DIAPH2: variants seen among roughly 807,000 people sequenced by gnomAD.
DIAPH2 encodes the protein diaphanous related formin 2.
DIAPH2 carries 35 observed loss-of-function variants against 92.7 expected under a neutral mutation model. The ratio of observed to expected loss-of-function variants is 0.38; its 90% CI spans 0.29 to 0.50. The LOEUF (loss-of-function observed/expected upper bound fraction) is 0.50. Among genes scored for constraint, DIAPH2 ranks in the 20% least tolerant of loss-of-function variants. DIAPH2 has a pLI of 0.94. For synonymous variants in DIAPH2, 301 were observed against 280.4 expected (o/e 1.07, Z -0.73); for missense variants, 701 against 819.5 (o/e 0.86, Z 1.77).
At chrX:97,522,761 A>G (rs1264641441) in intron 26 of DIAPH2, among the ~76,000 whole-genome samples, 2 of 112,183 alleles carry the variant, frequency 1.8e-5, no homozygotes, top group Non-Finnish European at 3.8e-5. Flanking sequence ...GAGAACTATC[A>G]TTGCATTACT....
At chrX:97,235,894 A>G (rs1289144637) in intron 22 of DIAPH2, among the ~76,000 whole-genome samples, 1 of 111,960 alleles carries the variant, frequency 8.9e-6, no homozygotes, top group Non-Finnish European at 1.9e-5. Flanking sequence ...AAAACATAGT[A>G]CAATTATATT....
At position 96,962,442 on chromosome X, in the gene DIAPH2, CATATAT is replaced by C. The variant is rs1175762704; in HGVS notation, c.1936-2649_1936-2644del. Reference sequence around the variant, plus strand: ...ACACATATATATACATATATATATACATATATACACACACATATATATATACATATA... The same window carrying C: ...ACACATATATATACATATATATATACACACACACATATATATATACATATA... On this transcript the variant is annotated intron_variant, in intron 16 of 26. Transcript: ENST00000324765. Among the ~76,000 whole-genome samples, 45 of 55,539 alleles carry C rather than the reference CATATAT, an allele frequency of 8.1e-4. 3 individuals carry two copies. Among genetic ancestry groups the C allele is most frequent in the African/African-American group, 3.7e-3 (43 of 11,764 alleles). The allele number at this position is 55,539 out of a possible 115,157, so 48.2% of individuals were successfully genotyped here.
At chrX:97,201,135 C>A (rs2067745232) in intron 22 of DIAPH2, among the ~76,000 whole-genome samples, 1 of 94,733 alleles carries the variant, frequency 1.1e-5, no homozygotes, top group Non-Finnish European at 2.1e-5. Context: ...AGAAAGACCC[C>A]CCCCCCAAAA....
chrX:97,400,305 T>C (rs1199765544), intron 25 of DIAPH2, among the ~76,000 whole-genome samples: 1 of 112,396 alleles, frequency 8.9e-6, no homozygotes, highest in South Asian at 3.7e-4. Context: ...GTTAACAATA[T>C]AATTTACTAT....
chrX:97,254,583 A>G (rs2068220040), intron 23 of DIAPH2, among the ~76,000 whole-genome samples: 1 of 109,124 alleles, frequency 9.2e-6, no homozygotes, highest in Non-Finnish European at 1.9e-5. Context: ...TTAATGTCAT[A>G]TGCCAGCCAT....
intron 17 of DIAPH2, among the ~76,000 whole-genome samples, chrX:97,021,651 A>T (rs1214224957): frequency 8.9e-6 from 1 of 112,261 alleles, no homozygotes; most frequent in Non-Finnish European, 1.9e-5. Context: ...ATTAATGAAA[A>T]GTATAATAAT....
At chrX:97,157,242 A>G (rs1237615729) in intron 22 of DIAPH2, among the ~76,000 whole-genome samples, 1 of 110,180 alleles carries the variant, frequency 9.1e-6, no homozygotes, top group Non-Finnish European at 1.9e-5. Context: ...TGAACCTAGA[A>G]GGCAGAGGTT....
At chrX:97,107,049 A>G (rs1003574571) in intron 20 of DIAPH2, among the ~76,000 whole-genome samples, 1 of 112,676 alleles carries the variant, frequency 8.9e-6, no homozygotes, top group Non-Finnish European at 1.9e-5. Context: ...GCCTTTTGGG[A>G]CACACAATGT....
At chrX:97,505,014 G>A (rs548551210) in intron 26 of DIAPH2, among the ~76,000 whole-genome samples, 223 of 112,127 alleles carry the variant, frequency 2.0e-3, no homozygotes, top group African/African-American at 7.0e-3. Flanking sequence ...CCAAATGCCA[G>A]GATACCATTT....
intron 19 of DIAPH2, among the ~76,000 whole-genome samples, chrX:97,077,914 G>A (rs779810910): frequency 1.8e-3 from 202 of 111,538 alleles, no homozygotes; most frequent in African/African-American, 6.1e-3. Context: ...TTTAATACAT[G>A]TAATTATGAG....
At chrX:97,323,903 CAAA>C (rs1052365967) in intron 23 of DIAPH2, among the ~76,000 whole-genome samples, 1 of 39,186 alleles carries the variant, frequency 2.6e-5, no homozygotes, top group Non-Finnish European at 4.9e-5. Context: ...AACTCTGTCT[CAAA>C]AAAAAAAAAA....
At chrX:96,844,155 A>T (rs772710942) in intron 4 of DIAPH2, among the ~76,000 whole-genome samples, 23 of 112,484 alleles carry the variant, frequency 2.0e-4, no homozygotes, top group Non-Finnish European at 4.3e-4. Context: ...CTAAAATGTA[A>T]TTTCAATATT....
intron 19 of DIAPH2, among the ~76,000 whole-genome samples, chrX:97,080,626 A>G (rs924581666): frequency 9.0e-6 from 1 of 111,534 alleles, no homozygotes; most frequent in Non-Finnish European, 1.9e-5. Flanking sequence ...AACAGATTAT[A>G]TGATCTATAT....
At chrX:97,263,238 C>T (rs927527865) in intron 23 of DIAPH2, among the ~76,000 whole-genome samples, 1 of 111,916 alleles carries the variant, frequency 8.9e-6, no homozygotes, top group Non-Finnish European at 1.9e-5. Flanking sequence ...TTGTCAGTTA[C>T]ATCACAGATA....
At chrX:97,194,622 A>G (rs182743551) in intron 22 of DIAPH2, among the ~76,000 whole-genome samples, 39 of 111,434 alleles carry the variant, frequency 3.5e-4, no homozygotes, top group Middle Eastern at 4.6e-3. Flanking sequence ...TGTTTTAGTG[A>G]TTTCACCTGT....
intron 23 of DIAPH2, among the ~76,000 whole-genome samples, chrX:97,334,788 C>G (rs1337326074): frequency 4.6e-5 from 5 of 107,659 alleles, no homozygotes; most frequent in Non-Finnish European, 9.6e-5. Flanking sequence ...TGAGACCAGC[C>G]TGGCCAACAT....
At chrX:97,045,755 G>A (rs768063105) in intron 17 of DIAPH2, among the ~76,000 whole-genome samples, 1 of 110,615 alleles carries the variant, frequency 9.0e-6, no homozygotes, top group African/African-American at 3.3e-5. Flanking sequence ...GAGAGTATAA[G>A]CAGTTTGGCT....
chrX:97,319,652 C>G (rs1365396719), intron 23 of DIAPH2, among the ~76,000 whole-genome samples: 1 of 110,593 alleles, frequency 9.0e-6, no homozygotes, highest in Non-Finnish European at 1.9e-5. Context: ...TCCCAAAGTG[C>G]TGGGATAACA....
At chrX:97,592,409 A>G (rs979063258) in intron 26 of DIAPH2, among the ~76,000 whole-genome samples, 2 of 111,909 alleles carry the variant, frequency 1.8e-5, no homozygotes, top group Non-Finnish European at 3.8e-5. Flanking sequence ...TGTAAAATCT[A>G]ATTTGTTTTT....
Sources: allele counts gnomAD v4.1 joint callset (sites outside exome capture counted in the v4.1 genomes callset), GRCh38; gene constraint gnomAD v4.1.1; transcripts MANE v1.5; gene names NCBI Gene and HGNC (gene_info 2026-07-23, HGNC 2026-07-21).